MDGA2: variants seen among roughly 807,000 people sequenced by gnomAD.
MDGA2 encodes the protein MAM domain containing glycosylphosphatidylinositol anchor 2.
Under a neutral mutation model 117.8 loss-of-function variants are expected in MDGA2, and 40 were observed. That is an observed-to-expected ratio of 0.34 (90% CI 0.26 to 0.44). MDGA2 has a LOEUF of 0.44. Ranked by LOEUF, MDGA2 falls within the 20% of genes least tolerant of loss-of-function variation. MDGA2 has a pLI of 1.00. For missense variants in MDGA2, 1,123 were observed against 1,250.6 expected (o/e 0.90, Z 1.54); for synonymous variants, 452 against 439.0 (o/e 1.03, Z -0.37).
At chr14:47,347,515 G>A (rs1890786679) in intron 1 of MDGA2, among the ~76,000 whole-genome samples, 1 of 152,182 alleles carries the variant, frequency 6.6e-6, no homozygotes, top group African/African-American at 2.4e-5. Flanking sequence ...TGACTCTAAG[G>A]TATCTGTCTC....
intron 8 of MDGA2, 117 bp from the exon 9 acceptor site, chr14:46,957,760 G>T (rs2039599482): frequency 8.8e-7 from 1 of 1,131,522 alleles, no homozygotes; most frequent in Non-Finnish European, 1.3e-6. Context: ...AGGAGTGTAG[G>T]AGGTGAATGA....
At chr14:47,359,707 C>T (rs188878187) in intron 1 of MDGA2, among the ~76,000 whole-genome samples, 28 of 142,106 alleles carry the variant, frequency 2.0e-4, no homozygotes, top group African/African-American at 6.0e-4. Flanking sequence ...GCCAAGATTG[C>T]GCCACTGCAC....
intron 1 of MDGA2, among the ~76,000 whole-genome samples, chr14:47,452,617 C>A (rs1893264710): frequency 1.4e-5 from 1 of 72,854 alleles, no homozygotes; most frequent in East Asian, 5.3e-4. Context: ...CATACTGCAA[C>A]AGAAATGACC....
rs375318800 is a variant in MDGA2 at position 47,530,612 on chromosome 14, C to T, written c.280+143905G>A. Among the ~76,000 whole-genome samples, 29 of 152,126 alleles carry T rather than the reference C, an allele frequency of 1.9e-4. 1 individual carries two copies. In the South Asian group the frequency reaches 4.6e-3, roughly 24 times the overall value. On this transcript the variant is annotated intron_variant, in intron 1 of 16. Transcript: ENST00000399232. ...CCTCACTAAACTTAATAATAAATGCCGGTATACCAAGTGCATTGGCGGCAT... is the reference window on the plus strand; with the variant it reads ...CCTCACTAAACTTAATAATAAATGCTGGTATACCAAGTGCATTGGCGGCAT...
At chr14:47,441,324 G>C (rs1318235697) in intron 1 of MDGA2, among the ~76,000 whole-genome samples, 1 of 152,162 alleles carries the variant, frequency 6.6e-6, no homozygotes, top group Non-Finnish European at 1.5e-5. Flanking sequence ...CAGGGAGCAG[G>C]CAGACTGGTG....
At chr14:46,971,172 T>A (rs1335885059) in intron 8 of MDGA2, among the ~76,000 whole-genome samples, 3 of 151,816 alleles carry the variant, frequency 2.0e-5, no homozygotes, top group Non-Finnish European at 4.4e-5. Context: ...TCAAAAAAAA[T>A]AAAAATAGAA....
At chr14:47,474,951 G>T (rs935235582) in intron 1 of MDGA2, among the ~76,000 whole-genome samples, 33 of 152,100 alleles carry the variant, frequency 2.2e-4, no homozygotes, top group African/African-American at 8.0e-4. Flanking sequence ...AATGCCAAAA[G>T]CTATTGCAAC....
chr14:47,639,674 A>G (rs1049454950), intron 1 of MDGA2, among the ~76,000 whole-genome samples: 8 of 152,042 alleles, frequency 5.3e-5, no homozygotes, highest in African/African-American at 1.4e-4. Flanking sequence ...CATATTGTAT[A>G]CTGTTCTATG....
rs757506973 is a variant in MDGA2, at chr14:47,196,370, G to A, written c.595+21651C>T. On this transcript the variant is annotated intron_variant, in intron 3 of 16. Transcript: ENST00000399232. Reference sequence around the variant, plus strand: ...ATCATTATTTCCATTTATTATTTAAGAGAAAGATGCAGAGGTTTTAAATAC... The same window carrying A: ...ATCATTATTTCCATTTATTATTTAAAAGAAAGATGCAGAGGTTTTAAATAC... Among the ~76,000 whole-genome samples, 83 of 152,232 alleles carry A rather than the reference G, an allele frequency of 5.5e-4. No homozygotes were observed. The Middle Eastern group carries it at 0.01, about 19-fold the overall frequency.
chr14:47,234,582 G>T lies in MDGA2; in HGVS notation c.421-16387C>A, dbSNP rs544398276. On this transcript the variant is annotated intron_variant, in intron 2 of 16. Transcript: ENST00000399232. ...TTCTCTGGCAAGAGTACATGTTAAAGATACAACACCAAGAGGAAATAAATA... is the reference window on the plus strand; with the variant it reads ...TTCTCTGGCAAGAGTACATGTTAAATATACAACACCAAGAGGAAATAAATA... Among the ~76,000 whole-genome samples, 16 of 152,132 alleles carry T rather than the reference G, an allele frequency of 1.1e-4. No individual in the cohort carries two copies. In the South Asian group the frequency reaches 3.1e-3, roughly 30 times the overall value.
At chr14:47,050,754 G>C (rs1889429953) in intron 7 of MDGA2, among the ~76,000 whole-genome samples, 1 of 151,954 alleles carries the variant, frequency 6.6e-6, no homozygotes, top group African/African-American at 2.4e-5. Flanking sequence ...TTTTAATGTA[G>C]CATGATGTTG....
chr14:47,256,311 A>T (rs1887617544), intron 2 of MDGA2, among the ~76,000 whole-genome samples: 1 of 152,122 alleles, frequency 6.6e-6, no homozygotes, highest in Admixed American at 6.6e-5. Flanking sequence ...CAATCAAAAA[A>T]TAAAATATTC....
At chr14:47,500,563 G>A (rs918366826) in intron 1 of MDGA2, among the ~76,000 whole-genome samples, 41 of 152,098 alleles carry the variant, frequency 2.7e-4, no homozygotes, top group African/African-American at 9.2e-4. Flanking sequence ...GGACTCTTGG[G>A]AGGATACATA....
chr14:47,059,054 T>G, intron 7 of MDGA2: 4 of 1,010,844 alleles, frequency 4.0e-6, no homozygotes, highest in Non-Finnish European at 4.7e-6. Flanking sequence ...TAACTTTAAG[T>G]CAGTAGGGAA....
intron 2 of MDGA2, among the ~76,000 whole-genome samples, chr14:47,219,788 CAAGAG>C: frequency 6.6e-6 from 1 of 151,940 alleles, no homozygotes; most frequent in South Asian, 2.1e-4. Context: ...AAGCAAGAAA[CAAGAG>C]AATAGTCTCG....
At chr14:47,417,344 A>C (rs956331604) in intron 1 of MDGA2, among the ~76,000 whole-genome samples, 2 of 152,182 alleles carry the variant, frequency 1.3e-5, no homozygotes, top group Non-Finnish European at 2.9e-5. Context: ...TAGGACACAA[A>C]CACAATTCAG....
At chr14:46,929,126 G>A (rs1312075477) in intron 9 of MDGA2, among the ~76,000 whole-genome samples, 1 of 152,126 alleles carries the variant, frequency 6.6e-6, no homozygotes, top group African/African-American at 2.4e-5. Flanking sequence ...GTTCTTATCT[G>A]AGAGTTCAGA....
chr14:47,125,325 T>C (rs1428998443), intron 5 of MDGA2, among the ~76,000 whole-genome samples: 1 of 152,134 alleles, frequency 6.6e-6, no homozygotes, highest in Non-Finnish European at 1.5e-5. Context: ...AACTAAGATA[T>C]TTTCTTTTTC....
At chr14:47,640,913 T>C (rs1474944843) in intron 1 of MDGA2, among the ~76,000 whole-genome samples, 3 of 152,106 alleles carry the variant, frequency 2.0e-5, no homozygotes. Context: ...GGTTCACAGC[T>C]AGTACTATAG....
Sources: gnomAD v4.1 joint callset for allele counts (sites outside exome capture counted in the v4.1 genomes callset) on GRCh38, gnomAD v4.1.1 for gene constraint, MANE v1.5 for transcripts, NCBI Gene and HGNC (gene_info 2026-07-23, HGNC 2026-07-21) for gene names.